Variants in HOOK3 observed in about 807,000 individuals in gnomAD.
HOOK3 encodes protein Hook homolog 3.
In HOOK3, 24 loss-of-function variants were observed where a neutral mutation model predicts 116.3. That is an observed-to-expected ratio of 0.21 (90% CI 0.15 to 0.29). The LOEUF is 0.29. Ranked by LOEUF, HOOK3 falls within the 10% of genes least tolerant of loss-of-function variation. The pLI is 1.00. For synonymous variants in HOOK3, 275 were observed against 283.0 expected (o/e 0.97, Z 0.28); for missense variants, 632 against 830.2 (o/e 0.76, Z 2.93).
chr8:42,901,921 G>C, intron 1 of HOOK3, among the ~76,000 whole-genome samples: 1 of 152,090 alleles, frequency 6.6e-6, no homozygotes, highest in Non-Finnish European at 1.5e-5. Context: ...TGTTGGTCAG[G>C]CTGGTCTTGA....
intron 8 of HOOK3, among the ~76,000 whole-genome samples, chr8:42,959,650 C>T (rs1367231814): frequency 7.5e-6 from 1 of 132,820 alleles, no homozygotes; most frequent in Non-Finnish European, 1.5e-5. Flanking sequence ...ACCTGGGAGG[C>T]AGAGGTTGCA....
intron 2 of HOOK3, among the ~76,000 whole-genome samples, chr8:42,916,206 T>C (rs1807530455): frequency 6.6e-6 from 1 of 152,250 alleles, no homozygotes; most frequent in South Asian, 2.1e-4. Context: ...CCGCCTCTTA[T>C]CCTGCTCTAT....
intron 1 of HOOK3, among the ~76,000 whole-genome samples, chr8:42,905,684 A>G (rs1807292068): frequency 6.6e-6 from 1 of 151,874 alleles, no homozygotes; most frequent in Admixed American, 6.6e-5. Flanking sequence ...AATTACAGTA[A>G]TACTTGGCAG....
chr8:42,959,587 C>T (rs997410438), intron 8 of HOOK3, among the ~76,000 whole-genome samples: 7 of 151,570 alleles, frequency 4.6e-5, no homozygotes, highest in South Asian at 2.1e-4. Context: ...GGTGTGATGG[C>T]GGGCGCCTGT....
chr8:43,008,057 C>G, intron 18 of HOOK3, 128 bp downstream of exon 18: 1 of 377,584 alleles, frequency 2.6e-6, no homozygotes, highest in Non-Finnish European at 4.5e-6. Flanking sequence ...GTCTCACTCT[C>G]ACCCAGGCTG....
chr8:43,021,113 A>C lies in HOOK3; in HGVS notation c.*2615A>C. On this transcript the variant is annotated 3_prime_UTR_variant, in exon 22 of 22. Transcript: ENST00000307602. ...CGAAACTCTGTCGCAAGAAAAAAAA[A>C]AAAAAAAAAAAAAAAAAAAACAGTC... 5.3e-6 allele frequency: 1 copy of C among 187,786 alleles called. No homozygotes were observed. The highest frequency in any genetic ancestry group is 2.0e-4 in the South Asian group (1 of 4,920). 11.6% of individuals were successfully genotyped at this position (187,786 alleles called of 1,614,324 possible). A position where few individuals can be genotyped will look rare whatever the true frequency, so the allele number is the denominator to read the frequency against.
At chr8:42,926,290 TG>T (rs1807764045) in intron 3 of HOOK3, among the ~76,000 whole-genome samples, 1 of 152,236 alleles carries the variant, frequency 6.6e-6, no homozygotes. Flanking sequence ...CTTTATGTTT[TG>T]TTTTTTGTTT....
At chr8:42,898,679 AG>A (rs1807115944) in intron 1 of HOOK3, among the ~76,000 whole-genome samples, 1 of 152,226 alleles carries the variant, frequency 6.6e-6, no homozygotes, top group Non-Finnish European at 1.5e-5. Flanking sequence ...ATTGAATCTA[AG>A]TAGGGCTACA....
intron 6 of HOOK3, among the ~76,000 whole-genome samples, chr8:42,952,419 C>T (rs577609782): frequency 1.4e-4 from 21 of 152,186 alleles, no homozygotes; most frequent in Non-Finnish European, 2.6e-4. Context: ...AGAAGCTTAC[C>T]TGAGCCTTTA....
chr8:42,978,652 G>T (rs1808874111), intron 13 of HOOK3, among the ~76,000 whole-genome samples: 1 of 152,032 alleles, frequency 6.6e-6, no homozygotes, highest in South Asian at 2.1e-4. Flanking sequence ...GACCTCAGGT[G>T]ATCCACCCAC....
At chr8:42,921,574 T>G (rs1334595132) in intron 2 of HOOK3, among the ~76,000 whole-genome samples, 1 of 152,230 alleles carries the variant, frequency 6.6e-6, no homozygotes, top group East Asian at 1.9e-4. Flanking sequence ...ACCTCAGAAC[T>G]CAGTTCTCTC....
intron 2 of HOOK3, among the ~76,000 whole-genome samples, chr8:42,921,436 A>G (rs966404677): frequency 9.9e-5 from 15 of 152,162 alleles, no homozygotes; most frequent in African/African-American, 3.4e-4. Flanking sequence ...TTCTGAATTG[A>G]TTTTTATAAC....
chr8:42,954,259 T>C (rs1808396424), intron 6 of HOOK3, among the ~76,000 whole-genome samples: 1 of 152,210 alleles, frequency 6.6e-6, no homozygotes. Flanking sequence ...TTTACCCTTT[T>C]CTATATTTTT....
At chr8:42,934,746 G>A (rs1004492328) in intron 4 of HOOK3, among the ~76,000 whole-genome samples, 6 of 152,092 alleles carry the variant, frequency 3.9e-5, no homozygotes, top group Admixed American at 3.3e-4. Flanking sequence ...TGGCTGCATG[G>A]TATTCCATGG....
At chr8:42,972,586 A>G (rs1808745375) in intron 11 of HOOK3, among the ~76,000 whole-genome samples, 1 of 152,062 alleles carries the variant, frequency 6.6e-6, no homozygotes, top group African/African-American at 2.4e-5. Context: ...TAAATTGTAG[A>G]GACTGGGTCT....
chr8:42,916,688 A>G (rs373148134), intron 2 of HOOK3, among the ~76,000 whole-genome samples: 1 of 152,226 alleles, frequency 6.6e-6, no homozygotes, highest in South Asian at 2.1e-4. Context: ...TGTAGCTTAA[A>G]GGTGTCTAGC....
At chr8:42,997,516 C>T (rs748540173) in intron 15 of HOOK3, 34 bp from the exon 16 acceptor site, 24 of 1,379,660 alleles carry the variant, frequency 1.7e-5, no homozygotes, top group Non-Finnish European at 2.3e-5. Context: ...ACGTAACTCA[C>T]CACTTGGAAA....
At chr8:43,004,350 G>A (rs1809432819) in intron 17 of HOOK3, among the ~76,000 whole-genome samples, 3 of 135,276 alleles carry the variant, frequency 2.2e-5, no homozygotes, top group South Asian at 2.3e-4. Context: ...CTGAGCAACA[G>A]AGCAAGACTC....
At chr8:42,897,832 C>T (rs1807062970) in intron 1 of HOOK3, among the ~76,000 whole-genome samples, 1 of 152,346 alleles carries the variant, frequency 6.6e-6, no homozygotes, top group Non-Finnish European at 1.5e-5. Flanking sequence ...ACATGTTCAC[C>T]TCTCACGTCA....
Sources: allele counts gnomAD v4.1 joint callset (sites outside exome capture counted in the v4.1 genomes callset), GRCh38; gene constraint gnomAD v4.1.1; transcripts MANE v1.5; gene names NCBI Gene and HGNC (gene_info 2026-07-23, HGNC 2026-07-21).